LNPK: variants seen among roughly 807,000 people sequenced by gnomAD.
The protein encoded by LNPK is lunapark, ER junction formation factor.
Under a neutral mutation model 55.2 loss-of-function variants are expected in LNPK, and 29 were observed. The observed-to-expected ratio is 0.53, with a 90% confidence interval of 0.39 to 0.72. LNPK has a LOEUF of 0.72. Among genes scored for constraint, LNPK ranks in the 30% least tolerant of loss-of-function variants. LNPK has a pLI of 0.00. For missense variants in LNPK, 467 were observed against 494.8 expected (o/e 0.94, Z 0.53); for synonymous variants, 162 against 168.2 (o/e 0.96, Z 0.29).
intron 8 of LNPK, among the ~76,000 whole-genome samples, chr2:175,963,725 AAAAAG>A (rs1283751066): frequency 6.6e-6 from 1 of 152,028 alleles, no homozygotes; most frequent in African/African-American, 2.4e-5. Flanking sequence ...TTAATTAAAA[AAAAAG>A]AAAAGAACAA....
At chr2:175,947,123 T>C (rs1422924484) in intron 9 of LNPK, among the ~76,000 whole-genome samples, 1 of 152,170 alleles carries the variant, frequency 6.6e-6, no homozygotes, top group African/African-American at 2.4e-5. Context: ...GCAAAAAACA[T>C]CAATACATTC....
At chr2:175,971,154 T>A (rs922873599) in intron 5 of LNPK, among the ~76,000 whole-genome samples, 2 of 152,158 alleles carry the variant, frequency 1.3e-5, no homozygotes, top group Non-Finnish European at 2.9e-5. Flanking sequence ...AAAATTAGTA[T>A]CAAATCTCTT....
At position 175,967,126 on chromosome 2, in the gene LNPK, A is replaced by C. The variant is rs537077085; in HGVS notation, c.358-2537T>G. ...ATAGCTTTGAATGCAGCCCAAAACAAATTCGTAAACTTTAAAACATTATAA... is the reference window on the plus strand; with the variant it reads ...ATAGCTTTGAATGCAGCCCAAAACACATTCGTAAACTTTAAAACATTATAA... On this transcript the variant is annotated intron_variant, in intron 6 of 12. Transcript: ENST00000272748. 7.9e-5 allele frequency among the ~76,000 whole-genome samples: 12 copies of C among 152,304 alleles called. No individual in the cohort carries two copies. In the East Asian group the frequency reaches 1.7e-3, roughly 22 times the overall value.
At chr2:175,996,182 T>G (rs1478468879) in intron 1 of LNPK, among the ~76,000 whole-genome samples, 1 of 152,214 alleles carries the variant, frequency 6.6e-6, no homozygotes, top group Non-Finnish European at 1.5e-5. Context: ...TTGAAAAGCT[T>G]TTTAAATGAC....
chr2:175,936,101 G>A (rs2105524624), intron 12 of LNPK, among the ~76,000 whole-genome samples: 1 of 152,260 alleles, frequency 6.6e-6, no homozygotes, highest in African/African-American at 2.4e-5. Flanking sequence ...ATGCAGCTCA[G>A]AGCACGACTT....
intron 4 of LNPK, among the ~76,000 whole-genome samples, chr2:175,989,074 TG>T (rs1661453931): frequency 6.6e-6 from 1 of 152,188 alleles, no homozygotes; most frequent in Non-Finnish European, 1.5e-5. Context: ...CACGCCTGGC[TG>T]AAAGACACTT....
At chr2:175,985,589 C>T (rs1687368312) in intron 4 of LNPK, among the ~76,000 whole-genome samples, 1 of 152,112 alleles carries the variant, frequency 6.6e-6, no homozygotes, top group South Asian at 2.1e-4. Context: ...AAATTTACTA[C>T]AGTAGTTCTC....
chr2:175,937,682 G>A (rs991077069), intron 11 of LNPK, 168 bp from the exon 12 acceptor site: 13 of 478,252 alleles, frequency 2.7e-5, no homozygotes, highest in African/African-American at 2.6e-4. Flanking sequence ...CAGAACTAAA[G>A]CATACTTCCT....
At chr2:175,979,780 AT>A (rs1687084370) in intron 5 of LNPK, 29 bp downstream of exon 5, 3 of 1,460,240 alleles carry the variant, frequency 2.1e-6, no homozygotes, top group Non-Finnish European at 2.8e-6. Context: ...ATTTTAAAAA[AT>A]ATTTATTAAA....
rs148493448 is a variant in LNPK at position 175,941,004 on chromosome 2, T to C, written c.707-1347A>G. On this transcript the variant is annotated intron_variant, in intron 9 of 12. Coordinates refer to ENST00000272748, the MANE Select transcript of LNPK (RefSeq NM_030650.3). ...AGCTCATGCCTGTAATCCCAGCACTTTGAGAGGTCGAGGTAGACAGATCAC... is the reference window on the plus strand; with the variant it reads ...AGCTCATGCCTGTAATCCCAGCACTCTGAGAGGTCGAGGTAGACAGATCAC... 7.2e-3 allele frequency: 3,291 copies of C among 454,398 alleles called. 92 individuals carry two copies. The highest frequency in any genetic ancestry group is 0.06 in the African/African-American group (2,998 of 49,880). The allele number at this position is 454,398 out of a possible 1,614,324, so 28.1% of individuals were successfully genotyped here. A position where few individuals can be genotyped will look rare whatever the true frequency, so the allele number is the denominator to read the frequency against.
intron 12 of LNPK, among the ~76,000 whole-genome samples, chr2:175,935,304 C>G (rs1438314842): frequency 2.0e-5 from 3 of 152,036 alleles, no homozygotes; most frequent in Non-Finnish European, 4.4e-5. Flanking sequence ...GTATCTACAT[C>G]ATTTAAAAAT....
chr2:175,965,752 T>C (rs760221829), intron 6 of LNPK, among the ~76,000 whole-genome samples: 6 of 152,130 alleles, frequency 3.9e-5, no homozygotes, highest in Non-Finnish European at 7.4e-5. Context: ...AATAAACAAG[T>C]TGACTTTTCT....
At chr2:175,933,035 A>G (rs1684354804) in intron 12 of LNPK, among the ~76,000 whole-genome samples, 1 of 152,032 alleles carries the variant, frequency 6.6e-6, no homozygotes, top group Admixed American at 6.6e-5. Flanking sequence ...TTTAAAATCG[A>G]CTCTGGCATC....
At chr2:175,938,493 C>T (rs1242005927) in intron 10 of LNPK, 110 bp from the exon 11 acceptor site, 8 of 514,986 alleles carry the variant, frequency 1.6e-5, no homozygotes, top group Middle Eastern at 3.0e-4. Context: ...GCTAAATATG[C>T]CATAACAAAT....
intron 5 of LNPK, among the ~76,000 whole-genome samples, chr2:175,972,699 T>G (rs1446919580): frequency 3.9e-5 from 6 of 152,216 alleles, no homozygotes; most frequent in African/African-American, 1.4e-4. Context: ...TTTTTTAATG[T>G]CTTTTCACAG....
intron 2 of LNPK, among the ~76,000 whole-genome samples, chr2:175,994,806 T>G (rs1329616263): frequency 6.6e-6 from 1 of 152,250 alleles, no homozygotes; most frequent in Non-Finnish European, 1.5e-5. Flanking sequence ...ATTTCTAATT[T>G]TGTTTAACCT....
At chr2:175,960,511 T>C (rs147483205) in intron 8 of LNPK, among the ~76,000 whole-genome samples, 3 of 152,068 alleles carry the variant, frequency 2.0e-5, no homozygotes, top group Non-Finnish European at 2.9e-5. Flanking sequence ...TTGAAATCAA[T>C]AAGAACAAAG....
At chr2:175,964,288 G>A in intron 8 of LNPK, 84 bp downstream of exon 8, 5 of 1,067,702 alleles carry the variant, frequency 4.7e-6, no homozygotes, top group Non-Finnish European at 7.0e-6. Context: ...ATAAGTTTTT[G>A]CACACCTCCA....
At chr2:175,989,397 G>A (rs76127696) in intron 4 of LNPK, among the ~76,000 whole-genome samples, 1,937 of 152,186 alleles carry the variant, frequency 0.013, 40 homozygotes, top group African/African-American at 0.044. Context: ...AATATCTTAT[G>A]ATGATGATCA....
Sources: gnomAD v4.1 joint callset for allele counts (sites outside exome capture counted in the v4.1 genomes callset) on GRCh38, gnomAD v4.1.1 for gene constraint, MANE v1.5 for transcripts, NCBI Gene and HGNC (gene_info 2026-07-23, HGNC 2026-07-21) for gene names.